ARAP2: variants seen among roughly 807,000 people sequenced by gnomAD.
ARAP2 encodes ArfGAP with RhoGAP domain, ankyrin repeat and PH domain 2, also known as arf-GAP with Rho-GAP domain, ANK repeat and PH domain-containing protein 2.
Under a neutral mutation model 194.5 loss-of-function variants are expected in ARAP2, and 148 were observed. The observed-to-expected ratio is 0.76, with a 90% confidence interval of 0.67 to 0.87. The LOEUF (loss-of-function observed/expected upper bound fraction) is 0.87, where lower values mean the gene tolerates loss of function less well. ARAP2 is among the 40% of genes least tolerant of loss of function. ARAP2 has a pLI of 0.00. For synonymous variants in ARAP2, 695 were observed against 683.5 expected (o/e 1.02, Z -0.26); for missense variants, 2,128 against 1,989.7 (o/e 1.07, Z -1.32).
Position 36,133,185 on chromosome 4 carries a change from A to C in ARAP2, c.3427+41T>G. ...ACTTAAAAACCTGTAAGAACGATAC[A>C]ATCAGTTCTAAGGGTTGAATAAAAA... On this transcript the variant is annotated intron_variant, in intron 20 of 32. Coordinates refer to ENST00000303965, the MANE Select transcript of ARAP2 (RefSeq NM_015230.4). 1.9e-6 allele frequency: 3 copies of C among 1,592,096 alleles called. No homozygotes were observed. In the South Asian group the frequency reaches 3.3e-5, roughly 18 times the overall value.
At chr4:36,151,698 GAATT>G (rs1051504195) in intron 15 of ARAP2, among the ~76,000 whole-genome samples, 2 of 152,098 alleles carry the variant, frequency 1.3e-5, no homozygotes, top group Non-Finnish European at 2.9e-5. Context: ...AATGCATACT[GAATT>G]ACTAAAGGTA....
At chr4:36,219,503 T>C (rs551729390) in intron 2 of ARAP2, among the ~76,000 whole-genome samples, 22 of 152,256 alleles carry the variant, frequency 1.4e-4, no homozygotes, top group African/African-American at 4.3e-4. Flanking sequence ...ATTCAGGAAG[T>C]AGGGAATTTA....
intron 19 of ARAP2, among the ~76,000 whole-genome samples, chr4:36,140,540 C>A (rs889359325): frequency 1.3e-5 from 2 of 151,600 alleles, no homozygotes; most frequent in African/African-American, 4.8e-5. Flanking sequence ...ATATTGTGGG[C>A]AATAGGCTAC....
intron 3 of ARAP2, among the ~76,000 whole-genome samples, chr4:36,050,106 G>A (rs1272337769): frequency 6.6e-6 from 1 of 152,116 alleles, no homozygotes; most frequent in Non-Finnish European, 1.5e-5. Flanking sequence ...CTAGGAAGGA[G>A]TCTCTTAAAC....
chr4:36,043,857 G>GCAA (rs1163358635), intron 5 of ARAP2, among the ~76,000 whole-genome samples: 1 of 31,516 alleles, frequency 3.2e-5, no homozygotes, highest in African/African-American at 8.7e-5. Context: ...GGAGGGGAGG[G>GCAA]GGGAGGGGAA....
intron 11 of ARAP2, among the ~76,000 whole-genome samples, chr4:36,161,874 C>T (rs943263680): frequency 2.0e-5 from 3 of 150,176 alleles, no homozygotes; most frequent in Non-Finnish European, 4.4e-5. Flanking sequence ...TTTGGAAGGC[C>T]GAGGCGGGCG....
At chr4:36,124,147 T>G (rs916203806) in intron 22 of ARAP2, among the ~76,000 whole-genome samples, 1 of 151,830 alleles carries the variant, frequency 6.6e-6, no homozygotes, top group Non-Finnish European at 1.5e-5. Context: ...GAACACAAAT[T>G]GTGAAACATT....
At chr4:36,210,786 G>A in intron 5 of ARAP2, 43 bp from the exon 6 acceptor site, 1 of 1,339,378 alleles carries the variant, frequency 7.5e-7, no homozygotes, top group East Asian at 2.3e-5. Flanking sequence ...TGCTATATGT[G>A]ATTTAAGACA....
downstream of ARAP2, chr4:36,065,279 C>T (rs182540014): frequency 8.2e-5 from 37 of 450,556 alleles, 1 homozygote; most frequent in East Asian, 2.3e-3. Flanking sequence ...AGGGCCAACA[C>T]CATGTCACCC....
intron 6 of ARAP2, among the ~76,000 whole-genome samples, chr4:36,193,975 G>A (rs12505774): frequency 0.033 from 5,007 of 152,154 alleles, 209 homozygotes; most frequent in East Asian, 0.13. Context: ...ATCCTTCCAC[G>A]AAGATAATAT....
chr4:36,056,115 C>T (rs1723462741), intron 2 of ARAP2, among the ~76,000 whole-genome samples: 1 of 152,164 alleles, frequency 6.6e-6, no homozygotes, highest in South Asian at 2.1e-4. Context: ...AGTATATTGG[C>T]TACTTTCAAT....
chr4:36,067,853 A>G lies in ARAP2; in HGVS notation c.*54T>C. On this transcript the variant is annotated 3_prime_UTR_variant, in exon 33 of 33. Coordinates refer to ENST00000303965, the MANE Select transcript of ARAP2 (RefSeq NM_015230.4). ...ATAGTTCAGTTTTGGAGTTACACATAAAGATTGCATACAATATTAAAAAAA... is the reference window on the plus strand; with the variant it reads ...ATAGTTCAGTTTTGGAGTTACACATGAAGATTGCATACAATATTAAAAAAA... 6.6e-7 allele frequency: 1 copy of G among 1,506,130 alleles called. No homozygotes were observed. Among genetic ancestry groups the G allele is most frequent in the Non-Finnish European group, 8.9e-7 (1 of 1,126,298 alleles). 93.3% of individuals were successfully genotyped at this position (1,506,130 alleles called of 1,614,324 possible). A position where few individuals can be genotyped will look rare whatever the true frequency, so the allele number is the denominator to read the frequency against.
intron 27 of ARAP2, among the ~76,000 whole-genome samples, chr4:36,107,325 A>G (rs1300738291): frequency 6.6e-6 from 1 of 151,972 alleles, no homozygotes; most frequent in African/African-American, 2.4e-5. Context: ...AAAACAAACT[A>G]TTATTTCCAA....
intron 10 of ARAP2, among the ~76,000 whole-genome samples, chr4:36,165,548 T>C (rs1361810569): frequency 6.6e-6 from 1 of 151,940 alleles, no homozygotes; most frequent in Non-Finnish European, 1.5e-5. Flanking sequence ...GAATTGTGAC[T>C]TTTTTTTCAG....
chr4:36,127,115 C>T (rs565171924), intron 21 of ARAP2, among the ~76,000 whole-genome samples: 18 of 152,166 alleles, frequency 1.2e-4, no homozygotes, highest in African/African-American at 2.9e-4. Context: ...GGATTATAGG[C>T]GTGAGCCACT....
chr4:36,117,185 C>T (rs750477788), intron 24 of ARAP2, 50 bp from the exon 25 acceptor site: 22 of 1,357,590 alleles, frequency 1.6e-5, no homozygotes, highest in Non-Finnish European at 1.8e-5. Flanking sequence ...ATTGTAAAAA[C>T]ACATATTTGA....
chr4:36,089,728 C>T (rs753299318), intron 28 of ARAP2, among the ~76,000 whole-genome samples: 5 of 152,022 alleles, frequency 3.3e-5, no homozygotes, highest in Non-Finnish European at 5.9e-5. Flanking sequence ...GACATTTCTA[C>T]ATCTTCCTTC....
chr4:36,068,228 T>C lies in ARAP2; in HGVS notation c.4794A>G (p.Lys1598=). The C allele has an allele frequency of 6.3e-7, 1 of 1,597,136 alleles. No individual in the cohort carries two copies. The highest frequency in any genetic ancestry group is 8.5e-7 in the Non-Finnish European group (1 of 1,173,014). Reference sequence around the variant, plus strand: ...CCTTTAAGCTAGAGTCCACGGACTCTTTATCACACTTTTCACTGAGCCGCA... The same window carrying C: ...CCTTTAAGCTAGAGTCCACGGACTCCTTATCACACTTTTCACTGAGCCGCA... ...ERLRLSEKCD[K]ESVDSSLKER... is the part of the protein sequence containing the mutation. The change falls in exon 33 of 33, where the codon AAA becomes AAG. Residue 1598 remains lysine (K), a synonymous_variant. Transcript: ENST00000303965.
chr4:36,116,804 C>T (rs1721453628), intron 25 of ARAP2, among the ~76,000 whole-genome samples: 1 of 151,634 alleles, frequency 6.6e-6, no homozygotes, highest in African/African-American at 2.4e-5. Context: ...AGGGGAGGAA[C>T]AAGTATTTAA....
Sources: gnomAD v4.1 joint callset for allele counts (sites outside exome capture counted in the v4.1 genomes callset) on GRCh38, gnomAD v4.1.1 for gene constraint, MANE v1.5 for transcripts, NCBI Gene and HGNC (gene_info 2026-07-23, HGNC 2026-07-21) for gene names.